The following PCDHA7 variants were observed in gnomAD, a reference collection of about 807,000 sequenced individuals.
PCDHA7 encodes the protein protocadherin alpha 7, also known as protocadherin alpha-7.
PCDHA7 carries 37 observed loss-of-function variants against 57.2 expected under a neutral mutation model. The ratio of observed to expected loss-of-function variants is 0.65; its 90% CI spans 0.50 to 0.85. The LOEUF (loss-of-function observed/expected upper bound fraction) is 0.85, where lower values mean the gene tolerates loss of function less well. Among genes scored for constraint, PCDHA7 ranks in the 40% least tolerant of loss-of-function variants. PCDHA7 has a pLI of 0.00. For synonymous variants in PCDHA7, 553 were observed against 558.8 expected (o/e 0.99, Z 0.15); for missense variants, 1,188 against 1,241.8 (o/e 0.96, Z 0.65).
chr5:140,930,466 T>C (rs2086864823), intron 1 of PCDHA7: 1 of 152,352 alleles, frequency 6.6e-6, no homozygotes. Context: ...CAAGTGATCC[T>C]CCCACCTAGG....
intron 1 of PCDHA7, among the ~76,000 whole-genome samples, chr5:140,941,270 T>TTTCC (rs1378866749): frequency 2.2e-5 from 3 of 136,668 alleles, no homozygotes; most frequent in Admixed American, 7.6e-5. Context: ...TCTTTCTTTC[T>TTTCC]TTCCTTCCTT....
At chr5:141,007,328 A>G (rs1018961755) in intron 3 of PCDHA7, among the ~76,000 whole-genome samples, 1 of 149,092 alleles carries the variant, frequency 6.7e-6, no homozygotes, top group African/African-American at 2.5e-5. Context: ...AAGTGGACAG[A>G]TTGCCTGAGC....
At chr5:140,883,759 G>A (rs1554179777) in intron 1 of PCDHA7, 1 of 1,612,704 alleles carries the variant, frequency 6.2e-7, no homozygotes, top group African/African-American at 1.3e-5. Context: ...TGGTGGAGCG[G>A]CGGGTGGGCG....
rs2150356626 is a variant in PCDHA7 at position 140,843,293 on chromosome 5, G to A, written c.2355+6555G>A. ...CCTGGTGAAGGATCATGGTGAACCT[G>A]CGCTGACCGCCACGGCCACGGTTCT... is the stretch of plus-strand genomic sequence containing the variant. On this transcript the variant is annotated intron_variant, in intron 1 of 3. Coordinates refer to ENST00000525929, the MANE Select transcript of PCDHA7 (RefSeq NM_018910.3). The A allele has an allele frequency of 3.8e-6, 6 of 1,595,972 alleles. No homozygotes were observed. In the African/African-American group the frequency reaches 4.0e-5, roughly 11 times the overall value.
intron 1 of PCDHA7, among the ~76,000 whole-genome samples, chr5:140,962,106 C>T (rs1156902232): frequency 4.6e-5 from 7 of 152,130 alleles, no homozygotes; most frequent in Non-Finnish European, 7.4e-5. Context: ...AGGATGGTCT[C>T]GATCTCCTAA....
At chr5:140,922,910 A>C (rs1418606862) in intron 1 of PCDHA7, among the ~76,000 whole-genome samples, 4 of 152,228 alleles carry the variant, frequency 2.6e-5, no homozygotes, top group Admixed American at 2.6e-4. Flanking sequence ...TTGAGATACA[A>C]ATAAACTTCA....
chr5:140,834,443 T>C lies in PCDHA7; in HGVS notation c.60T>C (p.Ile20=), dbSNP rs1554134210. The change falls in exon 1 of 4, where the codon ATT becomes ATC. Residue 20 remains isoleucine, a synonymous_variant. Transcript: ENST00000525929. Reference sequence around the variant, plus strand: ...GACATCTACTGCTGTTTATTATAATTCTAGCAGCTTGGGAGGCAGGGAGAG... The same window carrying C: ...GACATCTACTGCTGTTTATTATAATCCTAGCAGCTTGGGAGGCAGGGAGAG... ...GGRHLLLFII[I]LAAWEAGRGQ... 1.2e-6 allele frequency: 2 copies of C among 1,602,170 alleles called. No individual in the cohort carries two copies. Among genetic ancestry groups the C allele is most frequent in the Admixed American group, 1.7e-5 (1 of 59,736 alleles).
Position 140,851,010 on chromosome 5 carries a change from T to C in PCDHA7, c.2355+14272T>C, listed in dbSNP as rs200591127. 6.3e-5 allele frequency: 90 copies of C among 1,436,878 alleles called. 3 individuals are homozygous for C. In the African/African-American group the frequency reaches 1.2e-3, roughly 20 times the overall value. The allele number at this position is 1,436,878 out of a possible 1,614,324, so 89.0% of individuals were successfully genotyped here. A position where few individuals can be genotyped will look rare whatever the true frequency, so the allele number is the denominator to read the frequency against. On this transcript the variant is annotated intron_variant, in intron 1 of 3. Transcript: ENST00000525929. ...TTTTCTAGAAATCCAGCAGATTTTT[T>C]TTCTGATAAAGTAAACCCCTTAACA...
At chr5:140,878,933 A>G (rs2057778648) in intron 1 of PCDHA7, among the ~76,000 whole-genome samples, 2 of 152,224 alleles carry the variant, frequency 1.3e-5, no homozygotes, top group Admixed American at 1.3e-4. Context: ...AATAATTTTA[A>G]ATAAATATAT....
chr5:141,011,749 G>T lies in PCDHA7; in HGVS notation c.*1812G>T, dbSNP rs782567787. 1.2e-4 allele frequency: 18 copies of T among 153,636 alleles called. No homozygotes were observed. Among genetic ancestry groups the T allele is most frequent in the Non-Finnish European group, 2.5e-4 (17 of 68,010 alleles). 9.5% of individuals were successfully genotyped at this position (153,636 alleles called of 1,614,324 possible). A position where few individuals can be genotyped will look rare whatever the true frequency, so the allele number is the denominator to read the frequency against. On this transcript the variant is annotated 3_prime_UTR_variant, in exon 4 of 4. Coordinates refer to ENST00000525929, the MANE Select transcript of PCDHA7 (RefSeq NM_018910.3). ...GTGCAAGCACAAATTTTACCAATCT[G>T]ACCTCTTTGAAGTTGCAGAATGCTT...
At chr5:140,921,534 G>A (rs1413381073) in intron 1 of PCDHA7, among the ~76,000 whole-genome samples, 3 of 152,130 alleles carry the variant, frequency 2.0e-5, no homozygotes, top group African/African-American at 7.2e-5. Context: ...TCTGCTGATA[G>A]AACATTCTGC....
At chr5:140,898,235 T>G (rs1386232934) in intron 1 of PCDHA7, among the ~76,000 whole-genome samples, 1 of 152,220 alleles carries the variant, frequency 6.6e-6, no homozygotes, top group Non-Finnish European at 1.5e-5. Flanking sequence ...TGCCATTGCT[T>G]TTGGTGTTTT....
intron 1 of PCDHA7, chr5:140,837,228 C>T (rs1388432907): frequency 6.6e-6 from 1 of 152,156 alleles, no homozygotes; most frequent in African/African-American, 2.4e-5. Context: ...TTAAGCATTT[C>T]TTTTACATCT....
At chr5:140,858,413 A>T (rs150984635) in intron 1 of PCDHA7, 1 of 1,562,352 alleles carries the variant, frequency 6.4e-7, no homozygotes. Flanking sequence ...AGATCAGTCT[A>T]TTGGAGGGGA....
intron 3 of PCDHA7, among the ~76,000 whole-genome samples, chr5:140,989,866 T>G (rs2097364293): frequency 6.6e-6 from 1 of 152,012 alleles, no homozygotes; most frequent in South Asian, 2.1e-4. Flanking sequence ...GGAATCTTTC[T>G]CTGCCTCAGC....
rs2150417290 is a variant in PCDHA7 at position 140,848,687 on chromosome 5, C to G, written c.2355+11949C>G. 1.9e-3 allele frequency: 2,953 copies of G among 1,592,340 alleles called. 211 individuals are homozygous for G. The African/African-American group carries it at 0.035, about 19-fold the overall frequency. The stretch of plus-strand genomic sequence containing the variant: ...TGGCGGAGCTGGTGCCGCGCCTGTT[C>G]CAGTTGGATTCCAAAGGCCGCGGGG... On this transcript the variant is annotated intron_variant, in intron 1 of 3. Transcript: ENST00000525929.
chr5:140,834,621 C>G lies in PCDHA7; in HGVS notation c.238C>G (p.Gln80Glu), dbSNP rs1479128016. Residue 80 changes from glutamine to glutamate, a missense_variant, in exon 1 of 4, where the codon CAG becomes GAG. Gln to Glu is a conservative substitution (Grantham distance 29, BLOSUM62 2). Coordinates refer to ENST00000525929, the MANE Select transcript of PCDHA7 (RefSeq NM_018910.3). ...TGGGGATCTTCTGGAGGTAAATCTG[C>G]AGAATGGCATTTTGTTTGTGAATTC... ...FRGDLLEVNLQNGILFVNSRI... is the reference protein window; with the variant it reads ...FRGDLLEVNLENGILFVNSRI... The G allele has an allele frequency of 2.5e-6, 4 of 1,614,176 alleles. No homozygotes were observed. In the African/African-American group the frequency reaches 5.3e-5, roughly 22 times the overall value.
At chr5:140,978,570 G>A (rs151127662) in intron 1 of PCDHA7, among the ~76,000 whole-genome samples, 216 of 152,314 alleles carry the variant, frequency 1.4e-3, no homozygotes, top group African/African-American at 4.9e-3. Flanking sequence ...CTGTAATACT[G>A]AATTGGGAAT....
chr5:140,882,156 A>C (rs1582595846), intron 1 of PCDHA7: 2 of 1,504,204 alleles, frequency 1.3e-6, no homozygotes, highest in Non-Finnish European at 1.8e-6. Flanking sequence ...AAAGCGGAAT[A>C]CCTCTTGCGA....
Sources: gnomAD v4.1 joint callset for allele counts (sites outside exome capture counted in the v4.1 genomes callset) on GRCh38, gnomAD v4.1.1 for gene constraint, MANE v1.5 for transcripts, NCBI Gene and HGNC (gene_info 2026-07-23, HGNC 2026-07-21) for gene names.